The following MTCH2 variants were observed in gnomAD, a reference collection of about 807,000 sequenced individuals.
MTCH2 encodes mitochondrial carrier 2.
A neutral mutation model predicts 50.6 loss-of-function variants in MTCH2; 25 were observed. That is an observed-to-expected ratio of 0.49 (90% confidence interval 0.36 to 0.69). MTCH2 has a LOEUF of 0.69. Ranked by LOEUF, MTCH2 falls within the 30% of genes least tolerant of loss-of-function variation. The pLI, the probability that MTCH2 is intolerant of heterozygous loss-of-function variation, is 0.00. For synonymous variants in MTCH2, 106 were observed against 132.0 expected, an observed-to-expected ratio of 0.80 and a Z score of 1.35; for missense variants, 273 against 384.4, an observed-to-expected ratio of 0.71 and a Z score of 2.42.
At chr11:47,639,903 C>A (rs2097312429) in intron 1 of MTCH2, among the ~76,000 whole-genome samples, 1 of 152,090 alleles carries the variant, frequency 6.6e-6, no homozygotes, top group South Asian at 2.1e-4. Flanking sequence ...TAATGAAGTC[C>A]ATTTTATATA....
At chr11:47,616,315 G>A (rs1182472648), downstream of MTCH2, among the ~76,000 whole-genome samples, 1 of 151,966 alleles carries the variant, frequency 6.6e-6, no homozygotes, top group African/African-American at 2.4e-5. Flanking sequence ...GTACCACAAA[G>A]GAAAACCAGT....
chr11:47,607,754 G>C, the MTCH2 span, among the ~76,000 whole-genome samples: 1 of 152,278 alleles, frequency 6.6e-6, no homozygotes, highest in South Asian at 2.1e-4. Flanking sequence ...CCAGCCGAGG[G>C]GTGGGAAGAC....
Position 47,618,081 on chromosome 11 carries a change from GA to G in MTCH2, c.*751del, listed in dbSNP as rs1309033843. 1 of 152,054 alleles carries G rather than the reference GA, an allele frequency of 6.6e-6. No homozygotes were observed. The highest frequency in any genetic ancestry group is 2.4e-5 in the African/African-American group (1 of 41,414). 9.4% of individuals were successfully genotyped at this position (152,054 alleles called of 1,614,324 possible). On this transcript the variant is annotated 3_prime_UTR_variant, in exon 13 of 13. Coordinates refer to ENST00000302503, the MANE Select transcript of MTCH2 (RefSeq NM_014342.4). The stretch of plus-strand genomic sequence containing the variant: ...TGTGAAAACAAGAACTTCCTTTGAG[GA>G]AAAAAGTGCCATTATACTTCCTTTC...
At chr11:47,610,660 G>A in the MTCH2 span, among the ~76,000 whole-genome samples, 4,005 of 152,218 alleles carry the variant, frequency 0.026, 164 homozygotes, top group South Asian at 0.2. Context: ...AGCCGAGATC[G>A]AGCCACTTCA....
intron 12 of MTCH2, among the ~76,000 whole-genome samples, chr11:47,620,612 C>T (rs1272974076): frequency 1.3e-5 from 2 of 152,142 alleles, no homozygotes; most frequent in Non-Finnish European, 2.9e-5. Context: ...TGTGATGCCA[C>T]CACTGCACAC....
intron 3 of MTCH2, among the ~76,000 whole-genome samples, chr11:47,637,956 C>A (rs965474377): frequency 6.6e-6 from 1 of 152,096 alleles, no homozygotes; most frequent in Non-Finnish European, 1.5e-5. Context: ...CATTTTAATT[C>A]TTGTTCAGTT....
rs773572746 is a variant in MTCH2, at chr11:47,629,073, A to C, written c.540-27T>G. On this transcript the variant is annotated intron_variant, in intron 8 of 12. Coordinates refer to ENST00000302503, the MANE Select transcript of MTCH2 (RefSeq NM_014342.4). ...TACATGAAGAAACAATAAAAATAAG[A>C]ACCAAAAAATGTGATCAGTAACATG... The C allele has an allele frequency of 4.4e-6, 7 of 1,579,050 alleles. No individual in the cohort carries two copies. The African/African-American group carries it at 5.4e-5, about 12-fold the overall frequency.
At chr11:47,639,087 A>G (rs1033786390) in intron 1 of MTCH2, 36 bp from the exon 2 acceptor site, 5 of 1,532,716 alleles carry the variant, frequency 3.3e-6, no homozygotes, top group East Asian at 4.5e-5. Context: ...TATTAAAGCA[A>G]TATTTCCAGA....
At chr11:47,609,595 C>A in the MTCH2 span, among the ~76,000 whole-genome samples, 1 of 143,018 alleles carries the variant, frequency 7.0e-6, no homozygotes. Flanking sequence ...CCACTGCACT[C>A]CAGCCTGGGT....
At chr11:47,633,524 A>ATTTTTTTT (rs1199068244) in intron 5 of MTCH2, among the ~76,000 whole-genome samples, 1 of 55,308 alleles carries the variant, frequency 1.8e-5, no homozygotes, top group African/African-American at 9.1e-5. Flanking sequence ...ATATATATAT[A>ATTTTTTTT]TATTTTTTTT....
chr11:47,623,784 G>A (rs1334423642), intron 11 of MTCH2, among the ~76,000 whole-genome samples: 1 of 152,236 alleles, frequency 6.6e-6, no homozygotes, highest in African/African-American at 2.4e-5. Flanking sequence ...GGGTGCAGTG[G>A]CTCACGCCTG....
In MTCH2 at chr11:47,629,121, T is replaced by C. The variant is rs1198866889; in HGVS notation, c.540-75A>G. 12 of 1,268,700 alleles carry C rather than the reference T, an allele frequency of 9.5e-6. No homozygotes were observed. The highest frequency in any genetic ancestry group is 5.1e-5 in the East Asian group (2 of 39,568). The allele number at this position is 1,268,700 out of a possible 1,614,324, so 78.6% of individuals were successfully genotyped here. On this transcript the variant is annotated intron_variant, in intron 8 of 12. Coordinates refer to ENST00000302503, the MANE Select transcript of MTCH2 (RefSeq NM_014342.4). ...ATGACAGGCTCTTCAGTACAAATGT[T>C]TGTCAAATAATTAGAGGTCACAAAA... is the stretch of plus-strand genomic sequence containing the variant.
chr11:47,630,162 G>T (rs899305612), intron 8 of MTCH2, among the ~76,000 whole-genome samples: 9 of 152,118 alleles, frequency 5.9e-5, no homozygotes, highest in African/African-American at 2.2e-4. Context: ...CCGAGTAGCT[G>T]GGATTACAGG....
rs112386134 is a variant in MTCH2, at chr11:47,634,473, A to G, written c.369+199T>C. On this transcript the variant is annotated intron_variant, in intron 5 of 12. Coordinates refer to ENST00000302503, the MANE Select transcript of MTCH2 (RefSeq NM_014342.4). ...TGTGTGGGCAAAATGAGTTTTCTTGAAATGCATCTATTCTGAACAGCAAGC... is the reference window on the plus strand; with the variant it reads ...TGTGTGGGCAAAATGAGTTTTCTTGGAATGCATCTATTCTGAACAGCAAGC... 1.9e-3 allele frequency among the ~76,000 whole-genome samples: 293 copies of G among 152,290 alleles called. 1 individual carries two copies. Among genetic ancestry groups the G allele is most frequent in the Middle Eastern group, 0.014 (4 of 294 alleles).
chr11:47,623,245 G>A (rs746284033), intron 11 of MTCH2, among the ~76,000 whole-genome samples: 108 of 152,044 alleles, frequency 7.1e-4, no homozygotes, highest in Non-Finnish European at 1.2e-3. Context: ...GGTGGCGCAT[G>A]CCTGTAATCC....
At chr11:47,623,908 C>CG in intron 11 of MTCH2, among the ~76,000 whole-genome samples, 1 of 152,112 alleles carries the variant, frequency 6.6e-6, no homozygotes, top group East Asian at 1.9e-4. Context: ...AGAAATTAGC[C>CG]GGGGGTGGTG....
Position 47,618,539 on chromosome 11 carries a change from CAT to C in MTCH2, c.*292_*293del, listed in dbSNP as rs2097290114. On this transcript the variant is annotated 3_prime_UTR_variant, in exon 13 of 13. Coordinates refer to ENST00000302503, the MANE Select transcript of MTCH2 (RefSeq NM_014342.4). ...GCCTTAAATTGAGACTCAAAAATCA[CAT>C]GACAAAGTGCCTGTAGCTTCAGGAA... 3 of 336,768 alleles carry C rather than the reference CAT, an allele frequency of 8.9e-6. No individual in the cohort carries two copies. The highest frequency in any genetic ancestry group is 1.6e-5 in the Non-Finnish European group (3 of 183,098). 20.9% of individuals were successfully genotyped at this position (336,768 alleles called of 1,614,324 possible).
chr11:47,615,994 T>C (rs912536607), downstream of MTCH2, among the ~76,000 whole-genome samples: 4 of 152,132 alleles, frequency 2.6e-5, no homozygotes, highest in Admixed American at 2.6e-4. Context: ...GTTTCACTCT[T>C]GTTGCCTAGG....
chr11:47,609,908 G>A, the MTCH2 span, among the ~76,000 whole-genome samples: 76 of 152,328 alleles, frequency 5.0e-4, 1 homozygote, highest in South Asian at 0.015. Context: ...ATTCAGAGGC[G>A]TTTCTGAGAA....
Sources: gnomAD v4.1 joint callset for allele counts (sites outside exome capture counted in the v4.1 genomes callset) on GRCh38, gnomAD v4.1.1 for gene constraint, MANE v1.5 for transcripts, NCBI Gene and HGNC (gene_info 2026-07-23, HGNC 2026-07-21) for gene names.